The following ATXN7L1 variants were observed in gnomAD, a reference collection of about 807,000 sequenced individuals.
ATXN7L1 encodes ataxin 7 like 1, also known as ataxin-7-like protein 1.
A neutral mutation model predicts 70.8 loss-of-function variants in ATXN7L1; 15 were observed. The ratio of observed to expected loss-of-function variants is 0.21; its 90% CI spans 0.14 to 0.33. The LOEUF is 0.33. Ranked by LOEUF, ATXN7L1 falls within the 10% of genes least tolerant of loss-of-function variation. ATXN7L1 has a pLI of 1.00. For missense variants in ATXN7L1, 975 were observed against 1,097.1 expected (o/e 0.89, Z 1.57); for synonymous variants, 440 against 445.1 (o/e 0.99, Z 0.14).
chr7:105,792,148 AG>A (rs1165461226), intron 2 of ATXN7L1, among the ~76,000 whole-genome samples: 2 of 152,164 alleles, frequency 1.3e-5, no homozygotes, highest in Non-Finnish European at 2.9e-5. Context: ...CGGAAGGTAA[AG>A]GTTCGGCTCC....
intron 4 of ATXN7L1, among the ~76,000 whole-genome samples, chr7:105,643,994 T>C (rs1798633841): frequency 6.6e-6 from 1 of 152,202 alleles, no homozygotes; most frequent in Admixed American, 6.5e-5. Context: ...AAGCTTTGCT[T>C]TGGTCCCTGA....
intron 2 of ATXN7L1, among the ~76,000 whole-genome samples, 193 bp from the exon 3 acceptor site, chr7:105,788,901 A>G (rs1804716607): frequency 6.6e-6 from 1 of 152,184 alleles, no homozygotes; most frequent in African/African-American, 2.4e-5. Flanking sequence ...TGCTTCAGAG[A>G]ATCCCTCCTT....
intron 3 of ATXN7L1, among the ~76,000 whole-genome samples, chr7:105,666,725 T>C (rs888792183): frequency 6.6e-6 from 1 of 152,198 alleles, no homozygotes; most frequent in Admixed American, 6.5e-5. Context: ...GTTTACAGGG[T>C]GCTTTTTCCT....
At chr7:105,641,816 T>C (rs1798301311) in intron 5 of ATXN7L1, among the ~76,000 whole-genome samples, 1 of 152,266 alleles carries the variant, frequency 6.6e-6, no homozygotes, top group Non-Finnish European at 1.5e-5. Context: ...ATGCCTGCTT[T>C]ATCCGAATGC....
rs1269993136 is a variant in ATXN7L1 at position 105,638,441 on chromosome 7, A to T, written c.1114T>A (p.Ser372Thr). Residue 372 changes from serine to threonine, a missense_variant, in exon 7 of 12, where the codon TCT becomes ACT. Ser to Thr is a moderately conservative substitution (Grantham distance 58). This residue lies in a region of ATXN7L1 where 635 missense variants were observed against 699.4 expected (regional missense o/e 0.91). Coordinates refer to ENST00000419735, the MANE Select transcript of ATXN7L1 (RefSeq NM_020725.2). ...LPSQSGPAQD[S>T]LLGSSGSSGP... is the part of the protein sequence containing the mutation. Reference sequence around the variant, plus strand: ...GAGCTCCCTGAAGACCCTAGCAGAGAATCCTGTGCCGGCCCGGATTGGCTT... The same window carrying T: ...GAGCTCCCTGAAGACCCTAGCAGAGTATCCTGTGCCGGCCCGGATTGGCTT... 1 of 1,552,322 alleles carries T rather than the reference A, an allele frequency of 6.4e-7. No individual in the cohort carries two copies. The highest frequency in any genetic ancestry group is 8.7e-7 in the Non-Finnish European group (1 of 1,147,146).
chr7:105,701,484 T>C (rs947447243), intron 3 of ATXN7L1, among the ~76,000 whole-genome samples: 5 of 152,232 alleles, frequency 3.3e-5, no homozygotes, highest in Non-Finnish European at 7.3e-5. Flanking sequence ...TAGACTTTTC[T>C]GAAATATTGG....
At chr7:105,700,934 C>T (rs1045955383) in intron 3 of ATXN7L1, among the ~76,000 whole-genome samples, 6 of 152,120 alleles carry the variant, frequency 3.9e-5, no homozygotes, top group African/African-American at 1.4e-4. Context: ...TGCCTGCCTT[C>T]GTCTCCCAAA....
intron 3 of ATXN7L1, among the ~76,000 whole-genome samples, chr7:105,754,784 TG>T (rs1211575311): frequency 6.6e-6 from 1 of 152,214 alleles, no homozygotes; most frequent in Non-Finnish European, 1.5e-5. Flanking sequence ...TTAAATCAGA[TG>T]TTCACTGAGC....
intron 2 of ATXN7L1, among the ~76,000 whole-genome samples, chr7:105,842,151 C>T (rs1381601974): frequency 6.6e-6 from 1 of 151,616 alleles, no homozygotes; most frequent in Non-Finnish European, 1.5e-5. Flanking sequence ...ACATGGCAAA[C>T]AATGTATATT....
intron 3 of ATXN7L1, among the ~76,000 whole-genome samples, chr7:105,715,457 C>T (rs1794425467): frequency 1.3e-5 from 2 of 152,232 alleles, no homozygotes; most frequent in African/African-American, 4.8e-5. Context: ...TTCCTAGCAT[C>T]CTTTACAACA....
In ATXN7L1 at chr7:105,778,535, A is replaced by C. The variant is rs113687784; in HGVS notation, c.355+10069T>G. 1.7e-3 allele frequency among the ~76,000 whole-genome samples: 251 copies of C among 146,900 alleles called. 3 individuals are homozygous for C. The highest frequency in any genetic ancestry group is 4.5e-3 in the African/African-American group (178 of 39,776). On this transcript the variant is annotated intron_variant, in intron 3 of 11. Coordinates refer to ENST00000419735, the MANE Select transcript of ATXN7L1 (RefSeq NM_020725.2). The stretch of plus-strand genomic sequence containing the variant: ...CAAAAAAAAAAAAAAAAAAAAAAAA[A>C]CAAAGACTAAATAATCCTAAAGTTA...
At chr7:105,626,640 C>T (rs567347306) in intron 7 of ATXN7L1, among the ~76,000 whole-genome samples, 53 of 152,272 alleles carry the variant, frequency 3.5e-4, no homozygotes, top group African/African-American at 8.4e-4. Context: ...GGCCAAAGAA[C>T]GCATCTCTCC....
chr7:105,790,579 T>G (rs1484789899), intron 2 of ATXN7L1, among the ~76,000 whole-genome samples: 1 of 151,632 alleles, frequency 6.6e-6, no homozygotes, highest in African/African-American at 2.4e-5. Flanking sequence ...AGACCCTGTC[T>G]CAGAAAGAAA....
intron 3 of ATXN7L1, among the ~76,000 whole-genome samples, chr7:105,725,450 C>T (rs1370408576): frequency 6.6e-6 from 1 of 152,178 alleles, no homozygotes; most frequent in Non-Finnish European, 1.5e-5. Context: ...TGAATCCTTC[C>T]TTACTTCCTC....
Position 105,799,360 on chromosome 7 carries a change from A to AG in ATXN7L1, c.251-10653dup, listed in dbSNP as rs369294864. ...CACACACCAACCCCTGCTCAGTGGT[A>AG]GGGGGGTTATATCAGTGTTCTGCTT... On this transcript the variant is annotated intron_variant, in intron 2 of 11. Transcript: ENST00000419735. Among the ~76,000 whole-genome samples, 82 of 152,258 alleles carry AG rather than the reference A, an allele frequency of 5.4e-4. 1 individual carries two copies. Among genetic ancestry groups the AG allele is most frequent in the African/African-American group, 1.9e-3 (81 of 41,564 alleles).
chr7:105,626,446 T>A (rs2115825067), intron 7 of ATXN7L1, among the ~76,000 whole-genome samples: 1 of 152,364 alleles, frequency 6.6e-6, no homozygotes, highest in East Asian at 1.9e-4. Flanking sequence ...ATGTATTTAA[T>A]GCCACTAAAC....
At chr7:105,644,211 C>T (rs116317936) in intron 4 of ATXN7L1, among the ~76,000 whole-genome samples, 1 of 152,330 alleles carries the variant, frequency 6.6e-6, no homozygotes, top group African/African-American at 2.4e-5. Flanking sequence ...GGCTGGCTGG[C>T]TGGCTCTCCT....
At chr7:105,790,530 A>G (rs1285861881) in intron 2 of ATXN7L1, among the ~76,000 whole-genome samples, 1 of 152,064 alleles carries the variant, frequency 6.6e-6, no homozygotes, top group Non-Finnish European at 1.5e-5. Flanking sequence ...GCAGTGAGCC[A>G]TGATCACACC....
intron 10 of ATXN7L1, 114 bp downstream of exon 10, chr7:105,613,748 G>C: frequency 1.3e-6 from 2 of 1,526,914 alleles, no homozygotes; most frequent in Non-Finnish European, 1.8e-6. Context: ...CGGGGAAAAC[G>C]AGAACAGGAA....
Sources: allele counts gnomAD v4.1 joint callset (sites outside exome capture counted in the v4.1 genomes callset), GRCh38; gene constraint gnomAD v4.1.1; regional missense constraint gnomAD v4.1.1; transcripts MANE v1.5; gene names NCBI Gene and HGNC (gene_info 2026-07-23, HGNC 2026-07-21).